Variants in ENPP3 observed in about 807,000 individuals in gnomAD.
ENPP3 encodes ectonucleotide pyrophosphatase/phosphodiesterase 3.
Under a neutral mutation model 117.8 loss-of-function variants are expected in ENPP3, and 104 were observed. That is an observed-to-expected ratio of 0.88 (90% CI 0.75 to 1.04). The LOEUF is 1.04. ENPP3 is among the 50% of genes least tolerant of loss of function. The pLI is 0.00. For synonymous variants in ENPP3, 380 were observed against 349.9 expected (o/e 1.09, Z -0.96); for missense variants, 1,026 against 1,051.9 (o/e 0.98, Z 0.34).
intron 5 of ENPP3, among the ~76,000 whole-genome samples, chr6:131,654,120 TATTA>T (rs1778327602): frequency 6.8e-6 from 1 of 148,094 alleles, no homozygotes; most frequent in South Asian, 2.1e-4. Flanking sequence ...TTATTATTAT[TATTA>T]TTATTATTAT....
Position 131,639,265 on chromosome 6 carries a change from A to ATTTT in ENPP3, c.78+1813_78+1816dup, listed in dbSNP as rs1554259595. On this transcript the variant is annotated intron_variant, in intron 1 of 24. Transcript: ENST00000357639. ...TATGCTAATATATATATATATATATATTTTTTTTTTTTTCTCTCTCTCTTT... is the reference window on the plus strand; with the variant it reads ...TATGCTAATATATATATATATATATATTTTTTTTTTTTTTTTTCTCTCTCTCTTT... 4.2e-3 allele frequency among the ~76,000 whole-genome samples: 446 copies of ATTTT among 107,156 alleles called. 6 individuals carry two copies. The highest frequency in any genetic ancestry group is 0.012 in the South Asian group (37 of 3,004). 70.3% of individuals were successfully genotyped at this position (107,156 alleles called of 152,430 possible).
intron 11 of ENPP3, among the ~76,000 whole-genome samples, chr6:131,678,929 CTTT>C (rs1463339208): frequency 1.7e-4 from 13 of 75,690 alleles, no homozygotes; most frequent in African/African-American, 1.5e-3. Context: ...TTCTTTCTTT[CTTT>C]CTTTCTTTCT....
At chr6:131,689,549 TAA>T (rs564915214) in intron 14 of ENPP3, among the ~76,000 whole-genome samples, 247 of 152,346 alleles carry the variant, frequency 1.6e-3, no homozygotes, top group African/African-American at 5.7e-3. Context: ...GGTTCCTTTC[TAA>T]AGATTGCTGT....
At chr6:131,740,539 G>A (rs1278940372) in intron 24 of ENPP3, among the ~76,000 whole-genome samples, 159 bp downstream of exon 24, 37 of 152,056 alleles carry the variant, frequency 2.4e-4, no homozygotes. Flanking sequence ...TTAGGCTATT[G>A]ATCTCTATGT....
At chr6:131,728,767 T>G (rs1272699320) in intron 20 of ENPP3, among the ~76,000 whole-genome samples, 1 of 152,186 alleles carries the variant, frequency 6.6e-6, no homozygotes, top group Non-Finnish European at 1.5e-5. Flanking sequence ...TTGTAATTTT[T>G]GTTGTATCTC....
At chr6:131,638,576 TG>T in intron 1 of ENPP3, 1 of 390,000 alleles carries the variant, frequency 2.6e-6, no homozygotes, top group Admixed American at 3.8e-5. Flanking sequence ...GCTAAGTTTT[TG>T]TGAGTTTTTT....
intron 24 of ENPP3, among the ~76,000 whole-genome samples, chr6:131,745,218 A>G (rs1261071101): frequency 6.6e-6 from 1 of 152,028 alleles, no homozygotes; most frequent in African/African-American, 2.4e-5. Flanking sequence ...GAAGAGAAAA[A>G]CTTCTAATTA....
At chr6:131,738,525 G>A (rs570597814) in intron 23 of ENPP3, among the ~76,000 whole-genome samples, 1 of 151,068 alleles carries the variant, frequency 6.6e-6, no homozygotes, top group African/African-American at 2.4e-5. Context: ...TCGAGTAAAG[G>A]CTAAGGTAAA....
At chr6:131,687,681 G>A (rs577505853) in intron 14 of ENPP3, among the ~76,000 whole-genome samples, 1 of 152,244 alleles carries the variant, frequency 6.6e-6, no homozygotes, top group African/African-American at 2.4e-5. Context: ...ATTAAAAAGT[G>A]AGCAAAACAA....
intron 16 of ENPP3, among the ~76,000 whole-genome samples, 161 bp downstream of exon 16, chr6:131,718,899 A>G (rs1024931371): frequency 1.3e-5 from 2 of 152,182 alleles, no homozygotes; most frequent in African/African-American, 4.8e-5. Context: ...TTTAAAACAG[A>G]TATTTATTGC....
chr6:131,697,602 G>A (rs892425001), intron 15 of ENPP3, among the ~76,000 whole-genome samples: 2 of 151,652 alleles, frequency 1.3e-5, no homozygotes, highest in Non-Finnish European at 1.5e-5. Flanking sequence ...TCCTATCTGG[G>A]GGCGATGGGA....
rs1013609260 is a variant in ENPP3, at chr6:131,676,724, C to G, written c.873-12C>G. 1.9e-6 allele frequency: 3 copies of G among 1,550,152 alleles called. No homozygotes were observed. Among genetic ancestry groups the G allele is most frequent in the Non-Finnish European group, 2.7e-6 (3 of 1,122,306 alleles). The stretch of plus-strand genomic sequence containing the variant: ...TTCATTTTAAAGAATTATTTCTACC[C>G]TATTTTTTCAGAAGTGTCCCATTTG... On this transcript the variant is annotated splice_polypyrimidine_tract_variant and intron_variant, in intron 9 of 24. Coordinates refer to ENST00000357639, the MANE Select transcript of ENPP3 (RefSeq NM_005021.5).
intron 1 of ENPP3, among the ~76,000 whole-genome samples, chr6:131,640,147 C>T (rs1188799100): frequency 6.6e-6 from 1 of 152,088 alleles, no homozygotes; most frequent in African/African-American, 2.4e-5. Context: ...ATTTTTCTAG[C>T]AAGTTTGAAC....
chr6:131,717,473 G>A (rs895105185), intron 15 of ENPP3, among the ~76,000 whole-genome samples: 7 of 150,622 alleles, frequency 4.6e-5, no homozygotes, highest in African/African-American at 1.7e-4. Flanking sequence ...CCAGCCTTTG[G>A]AAATAGGAGT....
At chr6:131,674,354 C>G in intron 8 of ENPP3, 73 bp downstream of exon 8, 1 of 1,428,516 alleles carries the variant, frequency 7.0e-7, no homozygotes, top group Non-Finnish European at 9.9e-7. Context: ...ACTCTTCTCA[C>G]TCAGTGGAGC....
At chr6:131,646,072 C>CT (rs1778146802) in intron 2 of ENPP3, among the ~76,000 whole-genome samples, 3 of 152,162 alleles carry the variant, frequency 2.0e-5, no homozygotes, top group African/African-American at 7.2e-5. Flanking sequence ...AGACAACAGA[C>CT]TTGAAGTCTC....
At chr6:131,653,135 TG>T in intron 5 of ENPP3, among the ~76,000 whole-genome samples, 1 of 152,276 alleles carries the variant, frequency 6.6e-6, no homozygotes, top group Non-Finnish European at 1.5e-5. Context: ...GACTTTATTT[TG>T]TTTTTGTCTT....
chr6:131,712,632 A>G (rs1273795409), intron 15 of ENPP3, among the ~76,000 whole-genome samples: 1 of 135,092 alleles, frequency 7.4e-6, no homozygotes, highest in Non-Finnish European at 1.5e-5. Context: ...GCCAACTGTC[A>G]CATAGCTAAG....
intron 23 of ENPP3, among the ~76,000 whole-genome samples, chr6:131,739,998 A>G (rs1780492585): frequency 6.6e-6 from 1 of 151,816 alleles, no homozygotes; most frequent in Non-Finnish European, 1.5e-5. Flanking sequence ...ATATATTTAC[A>G]TATTTATACC....
Sources: gnomAD v4.1 joint callset for allele counts (sites outside exome capture counted in the v4.1 genomes callset) on GRCh38, gnomAD v4.1.1 for gene constraint, MANE v1.5 for transcripts, NCBI Gene and HGNC (gene_info 2026-07-23, HGNC 2026-07-21) for gene names.